Variants in STIM2 observed in about 807,000 individuals in gnomAD.
STIM2 encodes the protein stromal interaction molecule 2.
Under a neutral mutation model 85.8 loss-of-function variants are expected in STIM2, and 31 were observed. That is an observed-to-expected ratio of 0.36 (90% CI 0.27 to 0.49). The LOEUF (loss-of-function observed/expected upper bound fraction) is 0.49. Ranked by LOEUF, STIM2 falls within the 20% of genes least tolerant of loss-of-function variation. STIM2 has a pLI of 0.98. For synonymous variants in STIM2, 356 were observed against 331.1 expected (o/e 1.08, Z -0.82); for missense variants, 841 against 927.6 (o/e 0.91, Z 1.21).
At chr4:26,862,317 GGT>G (rs765497877) in intron 1 of STIM2, among the ~76,000 whole-genome samples, 5 of 63,144 alleles carry the variant, frequency 7.9e-5, no homozygotes, top group African/African-American at 1.7e-4. Flanking sequence ...CTAAAATAAT[GGT>G]TTTTTTTTTT....
Position 27,008,438 on chromosome 4 carries a change from T to A in STIM2, c.1160T>A (p.Ile387Asn). The change falls in exon 9 of 12, where the codon ATT becomes AAT. Residue 387 changes from isoleucine (I) to asparagine (N), a missense_variant. Transcript: ENST00000467087. ...CTTTTCGGTTTCTAGGCAGAAAAAA[T>A]TAAAAAGAAGAGAAGCACAGTCTTT... 1 of 1,581,576 alleles carries A rather than the reference T, an allele frequency of 6.3e-7. No individual in the cohort carries two copies. Among genetic ancestry groups the A allele is most frequent in the Non-Finnish European group, 8.6e-7 (1 of 1,167,092 alleles).
intron 1 of STIM2, among the ~76,000 whole-genome samples, chr4:26,891,530 T>C (rs1723479334): frequency 6.7e-6 from 1 of 150,070 alleles, no homozygotes; most frequent in Admixed American, 6.7e-5. Flanking sequence ...CATGTATATA[T>C]ACATATAAAG....
At chr4:26,908,952 G>A (rs1033210881) in intron 1 of STIM2, among the ~76,000 whole-genome samples, 4 of 152,228 alleles carry the variant, frequency 2.6e-5, no homozygotes, top group African/African-American at 9.6e-5. Flanking sequence ...GTTGGCTCAT[G>A]CCTGTAATCC....
chr4:26,932,963 A>G (rs1725257807), intron 2 of STIM2, among the ~76,000 whole-genome samples: 2 of 152,238 alleles, frequency 1.3e-5, no homozygotes, highest in Admixed American at 1.3e-4. Context: ...ATCAATGTGT[A>G]CATGAGAGAC....
intron 1 of STIM2, among the ~76,000 whole-genome samples, chr4:26,919,229 A>G (rs1464643411): frequency 6.6e-6 from 1 of 152,090 alleles, no homozygotes; most frequent in Admixed American, 6.6e-5. Flanking sequence ...AGAAATGGTT[A>G]AAGATGTAGA....
At chr4:27,001,583 G>A (rs992839144) in intron 5 of STIM2, among the ~76,000 whole-genome samples, 2 of 152,146 alleles carry the variant, frequency 1.3e-5, no homozygotes, top group African/African-American at 4.8e-5. Flanking sequence ...AGGTTGTCTT[G>A]CGCACTGTAG....
At position 26,978,195 on chromosome 4, in the gene STIM2, G is replaced by T. The variant is rs558064640; in HGVS notation, c.398-17184G>T. On this transcript the variant is annotated intron_variant, in intron 3 of 11. Coordinates refer to ENST00000467087, the MANE Select transcript of STIM2 (RefSeq NM_020860.4). ...GATACATGAAGGGAGATAATGTTGTGAATAATTTTTTTTAAATGATAGGAG... is the reference window on the plus strand; with the variant it reads ...GATACATGAAGGGAGATAATGTTGTTAATAATTTTTTTTAAATGATAGGAG... Among the ~76,000 whole-genome samples, 16 of 150,674 alleles carry T rather than the reference G, an allele frequency of 1.1e-4. No homozygotes were observed. The East Asian group carries it at 2.9e-3, about 27-fold the overall frequency.
chr4:26,944,139 A>G (rs547176009), intron 2 of STIM2, among the ~76,000 whole-genome samples: 11 of 152,248 alleles, frequency 7.2e-5, no homozygotes, highest in African/African-American at 2.6e-4. Context: ...ATTGTTTTAT[A>G]CAAATATATA....
At chr4:26,928,038 G>C (rs1309590034) in intron 2 of STIM2, among the ~76,000 whole-genome samples, 1 of 151,892 alleles carries the variant, frequency 6.6e-6, no homozygotes, top group Non-Finnish European at 1.5e-5. Flanking sequence ...TGGTGATTCT[G>C]ATTTCAAGAT....
intron 1 of STIM2, 67 bp downstream of exon 1, chr4:26,861,436 G>A: frequency 2.4e-6 from 3 of 1,245,804 alleles, no homozygotes; most frequent in Non-Finnish European, 3.0e-6. Context: ...CCGTGCAGAG[G>A]TCAGCATCTC....
Position 27,024,163 on chromosome 4 carries a change from AAT to A in STIM2, c.*1171_*1172del, listed in dbSNP as rs1729006821. The stretch of plus-strand genomic sequence containing the variant: ...AAATGTTCTAATATCAAGATTAACA[AAT>A]ATAAATTTATGGTGCATTTAGATTG... On this transcript the variant is annotated 3_prime_UTR_variant, in exon 12 of 12. Coordinates refer to ENST00000467087, the MANE Select transcript of STIM2 (RefSeq NM_020860.4). The A allele has an allele frequency of 6.6e-6, 1 of 152,246 alleles. No individual in the cohort carries two copies. The highest frequency in any genetic ancestry group is 2.4e-5 in the African/African-American group (1 of 41,464). 9.4% of individuals were successfully genotyped at this position (152,246 alleles called of 1,614,324 possible).
At chr4:26,880,413 C>T (rs1012250693) in intron 1 of STIM2, among the ~76,000 whole-genome samples, 2 of 151,822 alleles carry the variant, frequency 1.3e-5, no homozygotes, top group Non-Finnish European at 2.9e-5. Flanking sequence ...ATAATACTTA[C>T]AACCAGAAAT....
chr4:26,941,424 C>G (rs1196783668), intron 2 of STIM2, among the ~76,000 whole-genome samples: 2 of 152,008 alleles, frequency 1.3e-5, no homozygotes, highest in African/African-American at 4.8e-5. Flanking sequence ...CCAGTTCACT[C>G]TTTGTGTTTT....
At chr4:26,956,827 T>C (rs902616240) in intron 2 of STIM2, among the ~76,000 whole-genome samples, 1 of 152,158 alleles carries the variant, frequency 6.6e-6, no homozygotes, top group Non-Finnish European at 1.5e-5. Flanking sequence ...TATAACCAAA[T>C]GGCTTGCGTT....
At chr4:26,887,423 G>A (rs1723298484) in intron 1 of STIM2, among the ~76,000 whole-genome samples, 1 of 152,012 alleles carries the variant, frequency 6.6e-6, no homozygotes, top group Non-Finnish European at 1.5e-5. Context: ...CTAATTACAG[G>A]AACTTCTCCG....
At chr4:26,891,597 A>C (rs943412270) in intron 1 of STIM2, among the ~76,000 whole-genome samples, 23 of 130,288 alleles carry the variant, frequency 1.8e-4, no homozygotes, top group Admixed American at 7.0e-4. Context: ...ACACACACAC[A>C]CCCCCTTTTG....
chr4:27,023,241 A>G lies in STIM2; in HGVS notation c.*245A>G, dbSNP rs971932033. The G allele has an allele frequency of 2.1e-6, 1 of 474,254 alleles. No homozygotes were observed. Among genetic ancestry groups the G allele is most frequent in the South Asian group, 2.9e-5 (1 of 34,310 alleles). 29.4% of individuals were successfully genotyped at this position (474,254 alleles called of 1,614,324 possible). On this transcript the variant is annotated 3_prime_UTR_variant, in exon 12 of 12. Transcript: ENST00000467087. ...AAATCATTGAAATGAGACAGTTTAC[A>G]GTCATTTCTGCCTATTTATTTCTGC... is the stretch of plus-strand genomic sequence containing the variant.
At chr4:26,903,097 C>G (rs566211790) in intron 1 of STIM2, among the ~76,000 whole-genome samples, 1 of 151,992 alleles carries the variant, frequency 6.6e-6, no homozygotes, top group African/African-American at 2.4e-5. Context: ...AGTGAGAGTT[C>G]TACGAAATAG....
intron 2 of STIM2, among the ~76,000 whole-genome samples, chr4:26,956,038 T>C (rs1726225385): frequency 6.6e-6 from 1 of 152,194 alleles, no homozygotes; most frequent in Admixed American, 6.6e-5. Flanking sequence ...GAAGGTGATG[T>C]TCATTGCCAG....
Sources: allele counts gnomAD v4.1 joint callset (sites outside exome capture counted in the v4.1 genomes callset), GRCh38; gene constraint gnomAD v4.1.1; transcripts MANE v1.5; gene names NCBI Gene and HGNC (gene_info 2026-07-23, HGNC 2026-07-21).